The following DPYSL2 variants were observed in gnomAD, a reference collection of about 807,000 sequenced individuals.
DPYSL2 encodes the protein dihydropyrimidinase-related protein 2.
In DPYSL2, 13 loss-of-function variants were observed where a neutral mutation model predicts 69.9. The ratio of observed to expected loss-of-function variants is 0.19; its 90% CI spans 0.12 to 0.30. The LOEUF is 0.30. Among genes scored for constraint, DPYSL2 ranks in the 10% least tolerant of loss-of-function variants. The pLI is 1.00. For synonymous variants in DPYSL2, 326 were observed against 359.1 expected (o/e 0.91, Z 1.04); for missense variants, 587 against 918.9 (o/e 0.64, Z 4.67).
At chr8:26,616,969 C>G (rs925720996) in intron 3 of DPYSL2, among the ~76,000 whole-genome samples, 1 of 152,206 alleles carries the variant, frequency 6.6e-6, no homozygotes, top group Non-Finnish European at 1.5e-5. Flanking sequence ...ACGTGCGTAA[C>G]CCCCAGCTGA....
rs1803183772 is a variant in DPYSL2, at chr8:26,647,106, T to G, written c.1426-524T>G. On this transcript the variant is annotated intron_variant, in intron 10 of 13. Coordinates refer to ENST00000521913, the MANE Select transcript of DPYSL2 (RefSeq NM_001197293.3). This position sits in a 1 kb window ranked among gnomAD's most constrained non-coding sequence, Gnocchi z 5.1. ...GCCACCCCTGCAAATTAAACGAATT[T>G]TTTTTTGTTTTGAAATAATTATAGA... 6.6e-6 allele frequency among the ~76,000 whole-genome samples: 1 copy of G among 152,232 alleles called. No homozygotes were observed. Among genetic ancestry groups the G allele is most frequent in the Non-Finnish European group, 1.5e-5 (1 of 68,050 alleles).
At chr8:26,595,775 C>G (rs565264171) in intron 3 of DPYSL2, among the ~76,000 whole-genome samples, 1 of 152,172 alleles carries the variant, frequency 6.6e-6, no homozygotes, top group Non-Finnish European at 1.5e-5. Context: ...GCAGAGCTCT[C>G]TTCTCTCCAG....
rs1022224183 is a variant in DPYSL2, at chr8:26,597,336, C to T, written c.628+13353C>T. 5.9e-5 allele frequency among the ~76,000 whole-genome samples: 9 copies of T among 152,236 alleles called. No homozygotes were observed. Among genetic ancestry groups the T allele is most frequent in the South Asian group, 2.1e-4 (1 of 4,830 alleles). ...CTGATTTCTGTCACGTAGGCTGCTC[C>T]GAGGTTGCCTTGCCCTTGCCTGGCA... is the stretch of plus-strand genomic sequence containing the variant. On this transcript the variant is annotated intron_variant, in intron 3 of 13. Coordinates refer to ENST00000521913, the MANE Select transcript of DPYSL2 (RefSeq NM_001197293.3). This position sits in a 1 kb window ranked among gnomAD's most constrained non-coding sequence, Gnocchi z 5.2.
rs1404859470 is a variant in DPYSL2, at chr8:26,591,472, C to T, written c.628+7489C>T. 1.3e-5 allele frequency among the ~76,000 whole-genome samples: 2 copies of T among 152,160 alleles called. No homozygotes were observed. Among genetic ancestry groups the T allele is most frequent in the Non-Finnish European group, 2.9e-5 (2 of 68,018 alleles). On this transcript the variant is annotated intron_variant, in intron 3 of 13. Coordinates refer to ENST00000521913, the MANE Select transcript of DPYSL2 (RefSeq NM_001197293.3). This position sits in a 1 kb window ranked among gnomAD's most constrained non-coding sequence, Gnocchi z 5.8. ...GTTGGGCAGAGACTTCTGAGGACAG[C>T]GATCGTGGCCTCTCCATTTTCCTAA...
intron 1 of DPYSL2, chr8:26,578,193 C>T: frequency 6.2e-7 from 1 of 1,611,858 alleles, no homozygotes. Context: ...ACCCAAGTCC[C>T]CTTCCCGGCA....
chr8:26,649,281 G>T (rs930610960), intron 11 of DPYSL2, among the ~76,000 whole-genome samples: 2 of 152,234 alleles, frequency 1.3e-5, no homozygotes, highest in Non-Finnish European at 2.9e-5. Context: ...CAGCCTCTTG[G>T]TCAGGCTTAG....
At chr8:26,532,872 C>T (rs544356772) in intron 1 of DPYSL2, among the ~76,000 whole-genome samples, 2 of 152,254 alleles carry the variant, frequency 1.3e-5, no homozygotes, top group South Asian at 4.1e-4. Context: ...TTCCATTTCT[C>T]TTAGTTATGT....
chr8:26,623,317 G>C (rs1461731538), intron 3 of DPYSL2, among the ~76,000 whole-genome samples: 1 of 152,226 alleles, frequency 6.6e-6, no homozygotes, highest in Non-Finnish European at 1.5e-5. Flanking sequence ...TTTATCTGAA[G>C]AGCAGGGGGA....
At chr8:26,548,683 G>C (rs1220541834) in intron 1 of DPYSL2, among the ~76,000 whole-genome samples, 3 of 151,786 alleles carry the variant, frequency 2.0e-5, no homozygotes, top group Non-Finnish European at 4.4e-5. Context: ...AGGAATCCAA[G>C]ACCAGCCTAA....
At chr8:26,544,407 A>G in intron 1 of DPYSL2, among the ~76,000 whole-genome samples, 1 of 152,348 alleles carries the variant, frequency 6.6e-6, no homozygotes, top group East Asian at 1.9e-4. Context: ...TTTCATATGA[A>G]TTTTACAAAA....
chr8:26,589,734 CCTCT>C (rs1321020088), intron 3 of DPYSL2, among the ~76,000 whole-genome samples: 2 of 152,242 alleles, frequency 1.3e-5, no homozygotes, highest in African/African-American at 4.8e-5. Context: ...GGGACAGCTC[CCTCT>C]GTCTGGGCTG....
rs1808298609 is a variant in DPYSL2 at position 26,516,898 on chromosome 8, A to C, written c.354+2219A>C. ...ATTTCATGTCTTTAGAAAAGGGGAA[A>C]GGCTGTGGCTATACATGTGTTTATA... On this transcript the variant is annotated intron_variant, in intron 1 of 13. Coordinates refer to ENST00000521913, the MANE Select transcript of DPYSL2 (RefSeq NM_001197293.3). This position sits in a 1 kb window ranked among gnomAD's most constrained non-coding sequence, Gnocchi z 4.8. Among the ~76,000 whole-genome samples the C allele has an allele frequency of 6.6e-6, 1 of 152,230 alleles. No homozygotes were observed. Among genetic ancestry groups the C allele is most frequent in the African/African-American group, 2.4e-5 (1 of 41,454 alleles).
At chr8:26,635,222 G>A (rs1407679138) in intron 8 of DPYSL2, among the ~76,000 whole-genome samples, 1 of 152,198 alleles carries the variant, frequency 6.6e-6, no homozygotes, top group Non-Finnish European at 1.5e-5. Flanking sequence ...CACAGATTAC[G>A]TCAGTTTCCA....
Position 26,587,061 on chromosome 8 carries a change from CAG to C in DPYSL2, c.628+3079_628+3080del, listed in dbSNP as rs1291374607. On this transcript the variant is annotated intron_variant, in intron 3 of 13. Coordinates refer to ENST00000521913, the MANE Select transcript of DPYSL2 (RefSeq NM_001197293.3). The surrounding 1 kb of genome is among the most constrained non-coding windows in gnomAD (Gnocchi z 4.2). ...CCCGGGGGAGGGAATGGTAATAATA[CAG>C]GTGAGGAACTGAGGAATTTTTATCC... 2.6e-5 allele frequency among the ~76,000 whole-genome samples: 4 copies of C among 152,174 alleles called. No homozygotes were observed. In the East Asian group the frequency reaches 7.7e-4, roughly 29 times the overall value.
At chr8:26,546,511 A>T (rs1304750293) in intron 1 of DPYSL2, among the ~76,000 whole-genome samples, 2 of 152,136 alleles carry the variant, frequency 1.3e-5, no homozygotes, top group Non-Finnish European at 2.9e-5. Flanking sequence ...CTTTATATTT[A>T]TTGTGTGTAT....
chr8:26,583,473 G>T (rs1563396592), intron 2 of DPYSL2, among the ~76,000 whole-genome samples: 1 of 152,076 alleles, frequency 6.6e-6, no homozygotes, highest in African/African-American at 2.4e-5. Flanking sequence ...TAGCTCAATT[G>T]CAAGTGCTGT....
intron 1 of DPYSL2, among the ~76,000 whole-genome samples, chr8:26,556,842 A>G (rs116398782): frequency 1.3e-5 from 2 of 152,194 alleles, no homozygotes; most frequent in Admixed American, 6.5e-5. Flanking sequence ...AAAACTTACT[A>G]TAAGGCTACA....
At chr8:26,539,000 C>A (rs921619419) in intron 1 of DPYSL2, among the ~76,000 whole-genome samples, 2 of 152,222 alleles carry the variant, frequency 1.3e-5, no homozygotes, top group South Asian at 2.1e-4. Context: ...CATCCCTCCC[C>A]CTTCTAGTAG....
chr8:26,631,121 G>A (rs1293604923), intron 7 of DPYSL2, among the ~76,000 whole-genome samples: 1 of 152,166 alleles, frequency 6.6e-6, no homozygotes, highest in Non-Finnish European at 1.5e-5. Flanking sequence ...AGAAAGAAAG[G>A]GCCCTGGCTT....
Sources: gnomAD v4.1 joint callset for allele counts (sites outside exome capture counted in the v4.1 genomes callset) on GRCh38, gnomAD v4.1.1 for gene constraint, Gnocchi (gnomAD v3.1) non-coding constraint, MANE v1.5 for transcripts, NCBI Gene and HGNC (gene_info 2026-07-23, HGNC 2026-07-21) for gene names.